The following BCR variants were observed in gnomAD, a reference collection of about 807,000 sequenced individuals.
BCR encodes the protein breakpoint cluster region protein.
Under a neutral mutation model 138.6 loss-of-function variants are expected in BCR, and 58 were observed. The ratio of observed to expected loss-of-function variants is 0.42; its 90% CI spans 0.34 to 0.52. The LOEUF (loss-of-function observed/expected upper bound fraction) is 0.52. Ranked by LOEUF, BCR falls within the 20% of genes least tolerant of loss-of-function variation. The pLI is 0.06. For synonymous variants in BCR, 786 were observed against 730.1 expected, an observed-to-expected ratio of 1.08 and a Z score of -1.23; for missense variants, 1,599 against 1,727.2, an observed-to-expected ratio of 0.93 and a Z score of 1.32.
rs1302022131 is a variant in BCR, at chr22:23,273,856, G to A, written c.2115+82G>A. The A allele has an allele frequency of 2.4e-5, 37 of 1,571,920 alleles. No homozygotes were observed. In the Admixed American group the frequency reaches 6.3e-4, roughly 27 times the overall value. On this transcript the variant is annotated intron_variant, in intron 8 of 22. Coordinates refer to ENST00000305877, the MANE Select transcript of BCR (RefSeq NM_004327.4). ...AGGGCCCCTCGATCTGAGGTCTGGA[G>A]CCCTTCCTGGTCCTCAGCAGACCTT...
At chr22:23,204,586 GTA>G (rs2072590723) in intron 1 of BCR, among the ~76,000 whole-genome samples, 1 of 152,202 alleles carries the variant, frequency 6.6e-6, no homozygotes, top group African/African-American at 2.4e-5. Flanking sequence ...GCTTCCTGCA[GTA>G]ATGTGGATTG....
chr22:23,254,680 G>T (rs1304267452), intron 2 of BCR: 1 of 480,424 alleles, frequency 2.1e-6, no homozygotes, highest in African/African-American at 2.0e-5. Flanking sequence ...AGCTCAGGGG[G>T]CTGCTTCAGC....
intron 1 of BCR, among the ~76,000 whole-genome samples, chr22:23,192,767 CCTG>C (rs1219419591): frequency 2.0e-5 from 3 of 152,208 alleles, no homozygotes. Flanking sequence ...TGAATGCTGA[CCTG>C]CTGCTGACAG....
intron 9 of BCR, 54 bp downstream of exon 9, chr22:23,284,152 G>A: frequency 6.2e-7 from 1 of 1,601,336 alleles, no homozygotes; most frequent in African/African-American, 1.3e-5. Context: ...GACTCTCCAG[G>A]TCATGGAGGG....
intron 2 of BCR, among the ~76,000 whole-genome samples, chr22:23,255,738 G>A (rs1422395290): frequency 2.0e-5 from 3 of 152,096 alleles, no homozygotes; most frequent in Non-Finnish European, 2.9e-5. Flanking sequence ...TCAGTCCAGG[G>A]CTTCTCCTCT....
At chr22:23,232,170 C>T (rs1361661745) in intron 1 of BCR, among the ~76,000 whole-genome samples, 4 of 152,244 alleles carry the variant, frequency 2.6e-5, no homozygotes, top group African/African-American at 9.6e-5. Flanking sequence ...GAGCTCCTGG[C>T]CCAGTAGGGA....
intron 9 of BCR, among the ~76,000 whole-genome samples, chr22:23,284,423 G>A (rs1286194099): frequency 6.6e-6 from 1 of 151,988 alleles, no homozygotes; most frequent in East Asian, 1.9e-4. Flanking sequence ...GCTGCTCCTT[G>A]TCTCCCCGAG....
At chr22:23,209,130 T>C (rs767825950) in intron 1 of BCR, among the ~76,000 whole-genome samples, 14 of 152,082 alleles carry the variant, frequency 9.2e-5, no homozygotes, top group Non-Finnish European at 1.6e-4. Flanking sequence ...TAGGCCGAAG[T>C]GTGGATCACC....
In BCR at chr22:23,181,199, C is replaced by A; in HGVS notation, c.239C>A (p.Ala80Glu). 1 of 1,290,846 alleles carries A rather than the reference C, an allele frequency of 7.7e-7. No individual in the cohort carries two copies. The highest frequency in any genetic ancestry group is 1.0e-6 in the Non-Finnish European group (1 of 999,994). 80.0% of individuals were successfully genotyped at this position (1,290,846 alleles called of 1,614,324 possible). The change falls in exon 1 of 23, where the codon GCG (alanine) becomes GAG (glutamate). Residue 80 changes from alanine (A) to glutamate (E), a missense_variant. Ala to Glu is a moderately radical substitution (Grantham distance 107, BLOSUM62 -1). Coordinates refer to ENST00000305877, the MANE Select transcript of BCR (RefSeq NM_004327.4). Reference protein sequence around the residue: ...YDRQRWGFRRAAQAPDGASEP... With the variant: ...YDRQRWGFRREAQAPDGASEP... ...CGGCAGCGATGGGGCTTCCGGCGCG[C>A]GGCGCAGGCCCCCGACGGCGCCTCC...
At chr22:23,235,930 C>T (rs560878136) in intron 1 of BCR, among the ~76,000 whole-genome samples, 4 of 152,348 alleles carry the variant, frequency 2.6e-5, no homozygotes, top group African/African-American at 9.6e-5. Flanking sequence ...GGCCCCACCT[C>T]TAAATACCAT....
At chr22:23,303,677 A>G (rs1311155404) in intron 16 of BCR, among the ~76,000 whole-genome samples, 2 of 152,248 alleles carry the variant, frequency 1.3e-5, no homozygotes, top group African/African-American at 4.8e-5. Flanking sequence ...ATGAAAATGT[A>G]AGATCACATG....
intron 16 of BCR, among the ~76,000 whole-genome samples, chr22:23,307,302 C>T (rs1465444185): frequency 1.3e-5 from 2 of 152,048 alleles, no homozygotes; most frequent in African/African-American, 2.4e-5. Context: ...CAGGGTCTCA[C>T]TATATTGCCC....
At chr22:23,246,170 A>G (rs567289339) in intron 1 of BCR, among the ~76,000 whole-genome samples, 2 of 152,310 alleles carry the variant, frequency 1.3e-5, no homozygotes, top group South Asian at 2.1e-4. Context: ...CACACCTGCA[A>G]TCCCAGCACT....
At chr22:23,195,761 G>T (rs183466386) in intron 1 of BCR, among the ~76,000 whole-genome samples, 2 of 152,098 alleles carry the variant, frequency 1.3e-5, no homozygotes, top group African/African-American at 4.8e-5. Flanking sequence ...TGTGGCAGGC[G>T]CCTGTAATCC....
intron 15 of BCR, 101 bp downstream of exon 15, chr22:23,292,739 C>G: frequency 1.0e-6 from 1 of 995,950 alleles, no homozygotes; most frequent in East Asian, 2.6e-5. Context: ...GAGGGCTTCC[C>G]CCGAAGGCAG....
At chr22:23,258,067 A>C in intron 2 of BCR, among the ~76,000 whole-genome samples, 1 of 152,204 alleles carries the variant, frequency 6.6e-6, no homozygotes, top group South Asian at 2.1e-4. Context: ...GTGTGCATGG[A>C]ACCTGCGTGT....
intron 5 of BCR, among the ~76,000 whole-genome samples, chr22:23,270,504 G>C (rs1331417838): frequency 6.6e-6 from 1 of 152,086 alleles, no homozygotes; most frequent in Non-Finnish European, 1.5e-5. Context: ...TCTTTTGTTT[G>C]GCTCTCCCAC....
chr22:23,314,934 ACCT>A (rs2074051849), intron 22 of BCR, among the ~76,000 whole-genome samples: 1 of 152,164 alleles, frequency 6.6e-6, no homozygotes, highest in Admixed American at 6.5e-5. Flanking sequence ...GCTTAAAACT[ACCT>A]CAAGTGTTCG....
chr22:23,213,847 AAAAG>A (rs995206502), intron 1 of BCR, among the ~76,000 whole-genome samples: 20 of 149,990 alleles, frequency 1.3e-4, no homozygotes, highest in African/African-American at 3.8e-4. Flanking sequence ...AAAAAAAAAA[AAAAG>A]AAGAAGAAGG....
Sources: gnomAD v4.1 joint callset for allele counts (sites outside exome capture counted in the v4.1 genomes callset) on GRCh38, gnomAD v4.1.1 for gene constraint, MANE v1.5 for transcripts, NCBI Gene and HGNC (gene_info 2026-07-23, HGNC 2026-07-21) for gene names.